Variants in PLCB1 observed in about 807,000 individuals in gnomAD.
PLCB1 encodes the protein phospholipase C beta 1.
In PLCB1, 46 loss-of-function variants were observed where a neutral mutation model predicts 161.8. The observed-to-expected ratio is 0.28, with a 90% confidence interval of 0.22 to 0.36. The LOEUF (loss-of-function observed/expected upper bound fraction) is 0.36, where lower values mean the gene tolerates loss of function less well. Among genes scored for constraint, PLCB1 ranks in the 10% least tolerant of loss-of-function variants. The probability of loss-of-function intolerance (pLI) is 1.00; values close to 1 mark genes in which losing one functional copy is unlikely to be tolerated. For synonymous variants in PLCB1, 517 were observed against 503.7 expected (o/e 1.03, Z -0.35); for missense variants, 1,016 against 1,472.5 (o/e 0.69, Z 5.07).
At chr20:8,275,697 G>C (rs1426643033) in intron 2 of PLCB1, among the ~76,000 whole-genome samples, 3 of 152,100 alleles carry the variant, frequency 2.0e-5, no homozygotes, top group Admixed American at 6.6e-5. Flanking sequence ...TTTATCTTCT[G>C]TCTTAACCTG....
intron 3 of PLCB1, among the ~76,000 whole-genome samples, chr20:8,439,611 T>C (rs1485028441): frequency 2.0e-5 from 3 of 152,218 alleles, no homozygotes; most frequent in Non-Finnish European, 4.4e-5. Flanking sequence ...TTTAGATTCA[T>C]AGTAATTAGA....
chr20:8,271,074 G>A (rs149087636), intron 2 of PLCB1, among the ~76,000 whole-genome samples: 2 of 152,122 alleles, frequency 1.3e-5, no homozygotes, highest in Non-Finnish European at 2.9e-5. Context: ...CCATGGCTGT[G>A]TGTTGATTTC....
rs375345861 is a variant in PLCB1, at chr20:8,532,010, G to C, written c.247-96284G>C. On this transcript the variant is annotated intron_variant, in intron 3 of 31. Transcript: ENST00000338037. ...GCTAAAATCTGATCTACTGGGCTCTGTTTAACCTAATACCCAAAGCTTAAG... is the reference window on the plus strand; with the variant it reads ...GCTAAAATCTGATCTACTGGGCTCTCTTTAACCTAATACCCAAAGCTTAAG... Among the ~76,000 whole-genome samples the C allele has an allele frequency of 8.5e-5, 13 of 152,052 alleles. 1 individual carries two copies. The highest frequency in any genetic ancestry group is 7.8e-4 in the East Asian group (4 of 5,160).
In PLCB1 at chr20:8,650,630, C is replaced by T. The variant is rs186811462; in HGVS notation, c.594+1181C>T. Among the ~76,000 whole-genome samples, 318 of 152,224 alleles carry T rather than the reference C, an allele frequency of 2.1e-3. 3 individuals are homozygous for T. Among genetic ancestry groups the T allele is most frequent in the African/African-American group, 6.6e-3 (273 of 41,544 alleles). ...TTTCCTGAGTGAAGCCAAGAACCCT[C>T]GCAGGCTAAGCCCTACTTTGGGGCT... is the stretch of plus-strand genomic sequence containing the variant. On this transcript the variant is annotated intron_variant, in intron 7 of 31. Coordinates refer to ENST00000338037, the MANE Select transcript of PLCB1 (RefSeq NM_015192.4).
At chr20:8,553,962 A>G (rs1985863678) in intron 3 of PLCB1, among the ~76,000 whole-genome samples, 1 of 151,994 alleles carries the variant, frequency 6.6e-6, no homozygotes, top group Admixed American at 6.6e-5. Flanking sequence ...AGATTGCACT[A>G]CTGTTCTCCA....
chr20:8,702,655 T>G (rs1978433706), intron 11 of PLCB1, among the ~76,000 whole-genome samples: 1 of 152,174 alleles, frequency 6.6e-6, no homozygotes, highest in African/African-American at 2.4e-5. Context: ...TTGAACCATA[T>G]GGCTTATAGA....
At chr20:8,872,391 C>T (rs1987638213) in intron 31 of PLCB1, among the ~76,000 whole-genome samples, 1 of 152,184 alleles carries the variant, frequency 6.6e-6, no homozygotes, top group African/African-American at 2.4e-5. Context: ...CACCATTTCA[C>T]TCCTCATCTT....
chr20:8,430,466 A>G (rs971483255), intron 3 of PLCB1, among the ~76,000 whole-genome samples: 9 of 152,176 alleles, frequency 5.9e-5, no homozygotes, highest in African/African-American at 2.2e-4. Context: ...TCTCAGTGTT[A>G]CCTTGCCTGG....
chr20:8,196,516 T>C (rs2052025221), intron 2 of PLCB1, among the ~76,000 whole-genome samples: 1 of 151,850 alleles, frequency 6.6e-6, no homozygotes, highest in Non-Finnish European at 1.5e-5. Flanking sequence ...TTGTAGGTGT[T>C]CTTACTAGCT....
intron 4 of PLCB1, among the ~76,000 whole-genome samples, chr20:8,631,391 G>A (rs779224449): frequency 1.8e-4 from 27 of 152,142 alleles, no homozygotes; most frequent in Non-Finnish European, 2.9e-4. Context: ...AACACCATGT[G>A]AACCAAAAAA....
intron 7 of PLCB1, 126 bp from the exon 8 acceptor site, chr20:8,657,058 G>T (rs561007823): frequency 4.8e-5 from 31 of 640,878 alleles, no homozygotes; most frequent in Middle Eastern, 2.7e-4. Context: ...AGGAAAGAGA[G>T]AGGGAGAAGG....
chr20:8,676,434 G>GAAAGAAAGAAAGAA (rs1555782393), intron 9 of PLCB1, among the ~76,000 whole-genome samples: 7 of 151,462 alleles, frequency 4.6e-5, no homozygotes, highest in African/African-American at 1.5e-4. Context: ...AAGAAAGAAA[G>GAAAGAAAGAAAGAA]AGAGAAAGAG....
intron 3 of PLCB1, among the ~76,000 whole-genome samples, chr20:8,623,123 C>T (rs896460624): frequency 1.3e-4 from 20 of 152,050 alleles, no homozygotes. Context: ...AGACCCTGAG[C>T]TTGTTCCTGG....
intron 2 of PLCB1, among the ~76,000 whole-genome samples, chr20:8,238,318 A>G (rs16994533): frequency 0.2 from 29,756 of 151,884 alleles, 3,126 homozygotes; most frequent in African/African-American, 0.28. Flanking sequence ...GTGAGGTGAT[A>G]CTCATATAGG....
chr20:8,584,181 T>C (rs1986916072), intron 3 of PLCB1, among the ~76,000 whole-genome samples: 1 of 152,118 alleles, frequency 6.6e-6, no homozygotes, highest in Non-Finnish European at 1.5e-5. Context: ...AGGACGGTCA[T>C]AGAAGGTTTA....
intron 2 of PLCB1, among the ~76,000 whole-genome samples, chr20:8,357,128 TA>T (rs1174340079): frequency 6.6e-6 from 1 of 152,196 alleles, no homozygotes; most frequent in Non-Finnish European, 1.5e-5. Flanking sequence ...AGAAAAATTA[TA>T]CACCCAGGGA....
intron 4 of PLCB1, among the ~76,000 whole-genome samples, chr20:8,636,994 C>T (rs143760669): frequency 5.3e-5 from 8 of 150,782 alleles, no homozygotes; most frequent in East Asian, 2.0e-4. Context: ...ATTGCATTAC[C>T]GGTGTGCCTA....
At chr20:8,171,282 A>G (rs571706003) in intron 2 of PLCB1, among the ~76,000 whole-genome samples, 1 of 152,326 alleles carries the variant, frequency 6.6e-6, no homozygotes, top group East Asian at 1.9e-4. Context: ...TACATTATAT[A>G]CATTTAACTA....
intron 3 of PLCB1, among the ~76,000 whole-genome samples, chr20:8,578,726 A>G (rs1986749860): frequency 6.6e-6 from 1 of 152,202 alleles, no homozygotes; most frequent in Admixed American, 6.5e-5. Flanking sequence ...GGTCATTACA[A>G]AAGAACTCAG....
Sources: allele counts gnomAD v4.1 joint callset (sites outside exome capture counted in the v4.1 genomes callset), GRCh38; gene constraint gnomAD v4.1.1; transcripts MANE v1.5; gene names NCBI Gene and HGNC (gene_info 2026-07-23, HGNC 2026-07-21).